The following STXBP4 variants were observed in gnomAD, a reference collection of about 807,000 sequenced individuals.
The protein encoded by STXBP4 is syntaxin binding protein 4.
A neutral mutation model predicts 76.1 loss-of-function variants in STXBP4; 55 were observed. The observed-to-expected ratio is 0.72, with a 90% CI of 0.58 to 0.91. STXBP4 has a LOEUF of 0.91. STXBP4 is among the 40% of genes least tolerant of loss of function. The pLI is 0.00. For missense variants in STXBP4, 618 were observed against 636.9 expected, an observed-to-expected ratio of 0.97 and a Z score of 0.32; for synonymous variants, 201 against 220.2, an observed-to-expected ratio of 0.91 and a Z score of 0.77.
chr17:55,127,171 C>A (rs538990881), intron 16 of STXBP4, among the ~76,000 whole-genome samples: 1 of 152,260 alleles, frequency 6.6e-6, no homozygotes, highest in East Asian at 1.9e-4. Flanking sequence ...TCCCAGGCAG[C>A]CCTTGATTTG....
intron 17 of STXBP4, among the ~76,000 whole-genome samples, chr17:55,154,511 A>G (rs1464675449): frequency 6.6e-6 from 1 of 152,202 alleles, no homozygotes; most frequent in Non-Finnish European, 1.5e-5. Context: ...CAGTGTCAGT[A>G]GGACATGTTC....
At chr17:55,128,358 G>C (rs376608302) in intron 16 of STXBP4, among the ~76,000 whole-genome samples, 1 of 151,368 alleles carries the variant, frequency 6.6e-6, no homozygotes, top group African/African-American at 2.5e-5. Flanking sequence ...AAGTTACCAC[G>C]CTGGGTGAAT....
intron 3 of STXBP4, among the ~76,000 whole-genome samples, 170 bp downstream of exon 3, chr17:54,986,436 T>C (rs1447964323): frequency 1.3e-5 from 2 of 152,166 alleles, no homozygotes; most frequent in Non-Finnish European, 2.9e-5. Context: ...TAAATCAGTG[T>C]ATAGAACAAA....
intron 1 of STXBP4, 40 bp downstream of exon 1, chr17:54,968,855 C>T: frequency 1.8e-6 from 1 of 558,328 alleles, no homozygotes; most frequent in Non-Finnish European, 3.2e-6. Context: ...ACTCCCACTT[C>T]GCTTCTCGCC....
intron 5 of STXBP4, 32 bp downstream of exon 5, chr17:54,999,483 C>A: frequency 1.3e-6 from 2 of 1,551,930 alleles, no homozygotes; most frequent in South Asian, 1.2e-5. Context: ...TAGAATGAGT[C>A]ATTTAGAATG....
At chr17:55,015,681 G>A (rs1419374919) in intron 8 of STXBP4, among the ~76,000 whole-genome samples, 1 of 151,584 alleles carries the variant, frequency 6.6e-6, no homozygotes, top group Non-Finnish European at 1.5e-5. Flanking sequence ...TTGGTTTGTT[G>A]TTTACCCCTT....
At chr17:55,023,112 A>G (rs1269347781) in intron 8 of STXBP4, among the ~76,000 whole-genome samples, 1 of 152,224 alleles carries the variant, frequency 6.6e-6, no homozygotes, top group Non-Finnish European at 1.5e-5. Context: ...GAAATTCTAG[A>G]TTAAAATTTG....
At chr17:55,204,407 A>G in the STXBP4 span, among the ~76,000 whole-genome samples, 8 of 151,978 alleles carry the variant, frequency 5.3e-5, no homozygotes, top group Non-Finnish European at 1.0e-4. Flanking sequence ...TTGTGAGGCT[A>G]TTTCTGTGAT....
At chr17:55,029,608 A>C (rs964782439) in intron 8 of STXBP4, among the ~76,000 whole-genome samples, 3 of 151,450 alleles carry the variant, frequency 2.0e-5, no homozygotes, top group African/African-American at 7.3e-5. Flanking sequence ...CTACTATACG[A>C]GATAAGCAGA....
the STXBP4 span, among the ~76,000 whole-genome samples, chr17:55,183,499 T>G: frequency 1.3e-5 from 2 of 152,190 alleles, no homozygotes; most frequent in African/African-American, 4.8e-5. Flanking sequence ...AGAAAGCTCA[T>G]GTTAAAATGA....
At position 55,014,002 on chromosome 17, in the gene STXBP4, C is replaced by T. The variant is rs556973497; in HGVS notation, c.666+6405C>T. Reference sequence around the variant, plus strand: ...GGTACAGCTGGGTATAGAGGGACAACGGCCTCATTGATAATCCTGAGATCT... The same window carrying T: ...GGTACAGCTGGGTATAGAGGGACAATGGCCTCATTGATAATCCTGAGATCT... On this transcript the variant is annotated intron_variant, in intron 8 of 17. Coordinates refer to ENST00000376352, the MANE Select transcript of STXBP4 (RefSeq NM_178509.6). Among the ~76,000 whole-genome samples, 13 of 152,302 alleles carry T rather than the reference C, an allele frequency of 8.5e-5. No homozygotes were observed. In the East Asian group the frequency reaches 1.7e-3, roughly 20 times the overall value.
At chr17:55,081,393 C>T (rs147434196) in intron 16 of STXBP4, among the ~76,000 whole-genome samples, 2 of 152,222 alleles carry the variant, frequency 1.3e-5, no homozygotes, top group Non-Finnish European at 2.9e-5. Context: ...CCTTTACATC[C>T]ACTTCCACCC....
At position 55,052,952 on chromosome 17, in the gene STXBP4, G is replaced by GTGT. The variant is rs1567739310; in HGVS notation, c.1011+5798_1011+5799insTGT. ...GTGTGTGTGTGTGTGTGTGTGTGTG[G>GTGT]GTTGTATTCTTTAGAAATGTCAATG... On this transcript the variant is annotated intron_variant, in intron 12 of 17. Coordinates refer to ENST00000376352, the MANE Select transcript of STXBP4 (RefSeq NM_178509.6). Among the ~76,000 whole-genome samples, 111 of 126,998 alleles carry GTGT rather than the reference G, an allele frequency of 8.7e-4. 1 individual carries two copies. The highest frequency in any genetic ancestry group is 3.3e-3 in the African/African-American group (107 of 32,098). 83.3% of individuals were successfully genotyped at this position (126,998 alleles called of 152,430 possible).
At chr17:55,095,666 A>C (rs554060651) in intron 16 of STXBP4, among the ~76,000 whole-genome samples, 1 of 152,226 alleles carries the variant, frequency 6.6e-6, no homozygotes, top group Non-Finnish European at 1.5e-5. Flanking sequence ...AGAAGGTTTT[A>C]AATTTTTATC....
intron 4 of STXBP4, among the ~76,000 whole-genome samples, chr17:54,992,921 C>A (rs1029320089): frequency 2.0e-5 from 3 of 151,934 alleles, no homozygotes; most frequent in African/African-American, 7.3e-5. Flanking sequence ...CCATGTTGGC[C>A]AGGCTAGTCT....
chr17:54,989,869 T>TA (rs1216147894), intron 3 of STXBP4, among the ~76,000 whole-genome samples: 3 of 152,212 alleles, frequency 2.0e-5, no homozygotes, highest in Non-Finnish European at 4.4e-5. Context: ...AAGTACTTTT[T>TA]ACCAAGAAAA....
At chr17:55,024,797 A>G (rs937162968) in intron 8 of STXBP4, among the ~76,000 whole-genome samples, 4 of 152,192 alleles carry the variant, frequency 2.6e-5, no homozygotes, top group African/African-American at 9.7e-5. Context: ...AAATGAAGGA[A>G]CAAGAGCCTC....
chr17:55,097,051 A>G (rs1381236791), intron 16 of STXBP4, among the ~76,000 whole-genome samples: 2 of 152,210 alleles, frequency 1.3e-5, no homozygotes, highest in Non-Finnish European at 2.9e-5. Flanking sequence ...TGAATCTTTA[A>G]TATTTTTTTT....
chr17:55,005,812 A>G lies in STXBP4; in HGVS notation c.575-1694A>G, dbSNP rs2077996051. Reference sequence around the variant, plus strand: ...ACAAGCTTCACATATCCAAACCTTAAAGGATGAAAAATAAAGTTATCTGCT... The same window carrying G: ...ACAAGCTTCACATATCCAAACCTTAGAGGATGAAAAATAAAGTTATCTGCT... On this transcript the variant is annotated intron_variant, in intron 7 of 17. Transcript: ENST00000376352. 3.3e-5 allele frequency among the ~76,000 whole-genome samples: 5 copies of G among 152,254 alleles called. No individual in the cohort carries two copies. The South Asian group carries it at 1.0e-3, about 32-fold the overall frequency.
Sources: allele counts gnomAD v4.1 joint callset (sites outside exome capture counted in the v4.1 genomes callset), GRCh38; gene constraint gnomAD v4.1.1; transcripts MANE v1.5; gene names NCBI Gene and HGNC (gene_info 2026-07-23, HGNC 2026-07-21).